NCOA1: variants seen among roughly 807,000 people sequenced by gnomAD.
NCOA1 encodes the protein Hin-2 protein.
NCOA1 carries 35 observed loss-of-function variants against 150.9 expected under a neutral mutation model. The observed-to-expected ratio is 0.23, with a 90% CI of 0.18 to 0.31. The LOEUF (loss-of-function observed/expected upper bound fraction) is 0.31, where lower values mean the gene tolerates loss of function less well. Among genes scored for constraint, NCOA1 ranks in the 10% least tolerant of loss-of-function variants. The pLI is 1.00. For missense variants in NCOA1, 1,491 were observed against 1,749.3 expected, an observed-to-expected ratio of 0.85 and a Z score of 2.63; for synonymous variants, 590 against 630.0, an observed-to-expected ratio of 0.94 and a Z score of 0.95.
chr2:24,769,772 T>C lies in NCOA1; in HGVS notation c.*1381T>C, dbSNP rs906928004. On this transcript the variant is annotated 3_prime_UTR_variant, in exon 23 of 23. Coordinates refer to ENST00000348332, the MANE Select transcript of NCOA1 (RefSeq NM_003743.5). The stretch of plus-strand genomic sequence containing the variant: ...ACCCAGTGAACTGACTTTCTAGTTC[T>C]AGAAGTTCCGCTGCAAGGCCAGGAA... 3 of 222,058 alleles carry C rather than the reference T, an allele frequency of 1.4e-5. No individual in the cohort carries two copies. The highest frequency in any genetic ancestry group is 6.7e-5 in the African/African-American group (3 of 44,692). The allele number at this position is 222,058 out of a possible 1,614,324, so 13.8% of individuals were successfully genotyped here.
chr2:24,704,996 T>G (rs988515253), intron 11 of NCOA1, 90 bp from the exon 12 acceptor site: 26 of 1,378,338 alleles, frequency 1.9e-5, no homozygotes, highest in African/African-American at 2.9e-5. Flanking sequence ...GCCTTTAAAA[T>G]GAGGTTCTAA....
chr2:24,579,403 G>A (rs765709595), intron 2 of NCOA1, among the ~76,000 whole-genome samples: 23 of 152,122 alleles, frequency 1.5e-4, no homozygotes, highest in East Asian at 3.9e-4. Context: ...ATGAGAAGTC[G>A]TTGATGCTTT....
At chr2:24,617,559 C>A (rs1254468903) in intron 3 of NCOA1, among the ~76,000 whole-genome samples, 2 of 152,128 alleles carry the variant, frequency 1.3e-5, no homozygotes, top group Non-Finnish European at 2.9e-5. Flanking sequence ...TATTCCACTT[C>A]TTTGAAAGTC....
intron 3 of NCOA1, among the ~76,000 whole-genome samples, chr2:24,599,375 T>G (rs1377400416): frequency 1.3e-5 from 2 of 151,846 alleles, no homozygotes; most frequent in African/African-American, 4.8e-5. Context: ...TAGTATAACA[T>G]ATAATATTTG....
intron 3 of NCOA1, among the ~76,000 whole-genome samples, chr2:24,614,955 C>T (rs1668810154): frequency 6.6e-6 from 1 of 152,210 alleles, no homozygotes. Flanking sequence ...ATAGCTACCA[C>T]TTGTATTCCC....
At chr2:24,634,158 A>T (rs1188790610) in intron 3 of NCOA1, among the ~76,000 whole-genome samples, 5 of 152,230 alleles carry the variant, frequency 3.3e-5, no homozygotes, top group Non-Finnish European at 7.3e-5. Flanking sequence ...TAATATAAAA[A>T]ATTGACCAGA....
In NCOA1 at chr2:24,768,488, G is replaced by C; in HGVS notation, c.*97G>C. 1 of 246,032 alleles carries C rather than the reference G, an allele frequency of 4.1e-6. No individual in the cohort carries two copies. Among genetic ancestry groups the C allele is most frequent in the Non-Finnish European group, 6.7e-6 (1 of 149,862 alleles). 15.2% of individuals were successfully genotyped at this position (246,032 alleles called of 1,614,324 possible). ...GAGATTTTTGATATCTCAATCTGCA[G>C]CCATTCTTCAGGTCGTAGCATTTGG... On this transcript the variant is annotated 3_prime_UTR_variant, in exon 23 of 23. Transcript: ENST00000348332.
At chr2:24,721,840 T>A (rs1202684427) in intron 14 of NCOA1, among the ~76,000 whole-genome samples, 8 of 152,234 alleles carry the variant, frequency 5.3e-5, no homozygotes, top group Admixed American at 5.2e-4. Context: ...TGCAAGTGTT[T>A]TAGTTTAGTT....
At chr2:24,533,927 G>C (rs1396169687) in intron 1 of NCOA1, among the ~76,000 whole-genome samples, 1 of 152,142 alleles carries the variant, frequency 6.6e-6, no homozygotes, top group African/African-American at 2.4e-5. Context: ...TCTCTGCCAG[G>C]CTTTGGTATC....
chr2:24,528,361 T>TTTTG (rs1313923636), intron 1 of NCOA1, among the ~76,000 whole-genome samples: 4 of 151,260 alleles, frequency 2.6e-5, no homozygotes, highest in African/African-American at 9.7e-5. Context: ...TTTTTTTTTT[T>TTTTG]TCTGAGACAA....
intron 1 of NCOA1, among the ~76,000 whole-genome samples, chr2:24,520,605 A>C (rs1051292637): frequency 6.6e-6 from 1 of 152,198 alleles, no homozygotes; most frequent in Admixed American, 6.5e-5. Context: ...AGCACAGGGA[A>C]GTGTGGGAAT....
chr2:24,506,566 A>C (rs1054346776), intron 1 of NCOA1, among the ~76,000 whole-genome samples: 2 of 152,090 alleles, frequency 1.3e-5, no homozygotes, highest in Non-Finnish European at 2.9e-5. Context: ...TTCTTGGCTC[A>C]CTTCCGTGGA....
intron 8 of NCOA1, among the ~76,000 whole-genome samples, chr2:24,684,167 A>G (rs1349704522): frequency 6.6e-6 from 1 of 152,228 alleles, no homozygotes; most frequent in African/African-American, 2.4e-5. Flanking sequence ...TTCCTTGGCC[A>G]TGGACTGTAG....
chr2:24,588,086 C>G (rs1021643692), intron 3 of NCOA1, among the ~76,000 whole-genome samples: 6 of 152,006 alleles, frequency 3.9e-5, no homozygotes, highest in Non-Finnish European at 5.9e-5. Flanking sequence ...TTTCCCTCCC[C>G]TCCCCTCCCC....
At chr2:24,631,485 C>A (rs1669706769) in intron 3 of NCOA1, among the ~76,000 whole-genome samples, 1 of 151,956 alleles carries the variant, frequency 6.6e-6, no homozygotes, top group African/African-American at 2.4e-5. Context: ...AGTCAGTATA[C>A]CGGGGTGAGA....
intron 3 of NCOA1, among the ~76,000 whole-genome samples, chr2:24,619,875 G>T (rs749537941): frequency 3.0e-4 from 45 of 151,838 alleles, no homozygotes; most frequent in Non-Finnish European, 5.7e-4. Context: ...GTTTTTTGGG[G>T]GTATAAAAGG....
intron 1 of NCOA1, among the ~76,000 whole-genome samples, chr2:24,516,145 G>T (rs1664149491): frequency 6.9e-6 from 1 of 144,860 alleles, no homozygotes. Flanking sequence ...CCTGACCTAT[G>T]AAATAATTTT....
intron 5 of NCOA1, among the ~76,000 whole-genome samples, chr2:24,661,959 A>G (rs1356636611): frequency 6.6e-6 from 1 of 152,220 alleles, no homozygotes; most frequent in Admixed American, 6.5e-5. Context: ...TAGATATCTT[A>G]AAGATAATTA....
At chr2:24,623,236 G>A (rs1403284138) in intron 3 of NCOA1, among the ~76,000 whole-genome samples, 1 of 152,188 alleles carries the variant, frequency 6.6e-6, no homozygotes, top group Admixed American at 6.5e-5. Flanking sequence ...AGAAGTTAGA[G>A]GTGGAAACTC....
Sources: gnomAD v4.1 joint callset for allele counts (sites outside exome capture counted in the v4.1 genomes callset) on GRCh38, gnomAD v4.1.1 for gene constraint, MANE v1.5 for transcripts, NCBI Gene and HGNC (gene_info 2026-07-23, HGNC 2026-07-21) for gene names.